SNCAIP: variants seen among roughly 807,000 people sequenced by gnomAD.
SNCAIP encodes synuclein alpha interacting protein.
SNCAIP carries 43 observed loss-of-function variants against 86.7 expected under a neutral mutation model. The ratio of observed to expected loss-of-function variants is 0.50; its 90% CI spans 0.39 to 0.64. The LOEUF (loss-of-function observed/expected upper bound fraction) is 0.64, where lower values mean the gene tolerates loss of function less well. Among genes scored for constraint, SNCAIP ranks in the 30% least tolerant of loss-of-function variants. The probability of loss-of-function intolerance (pLI) is 0.00; values close to 1 mark genes in which losing one functional copy is unlikely to be tolerated. For synonymous variants in SNCAIP, 417 were observed against 427.2 expected, an observed-to-expected ratio of 0.98 and a Z score of 0.29; for missense variants, 981 against 1,103.1, an observed-to-expected ratio of 0.89 and a Z score of 1.57.
rs371442735 is a variant in SNCAIP, at chr5:122,458,904, TTGCTTGG to T, written c.2755-4583_2755-4577del. Among the ~76,000 whole-genome samples, 814 of 152,294 alleles carry T rather than the reference TTGCTTGG, an allele frequency of 5.3e-3. 10 individuals carry two copies. The highest frequency in any genetic ancestry group is 0.019 in the African/African-American group (777 of 41,568). Reference sequence around the variant, plus strand: ...GTACTCCACGTGTACTCCCAGTGTCTTGCTTGGTGCCTGGTGCATGATAGAGACTTCA... The same window carrying T: ...GTACTCCACGTGTACTCCCAGTGTCTTGCCTGGTGCATGATAGAGACTTCA... On this transcript the variant is annotated intron_variant, in intron 10 of 10. Transcript: ENST00000261368.
At chr5:122,408,012 G>A (rs1412733939) in intron 3 of SNCAIP, among the ~76,000 whole-genome samples, 1 of 152,164 alleles carries the variant, frequency 6.6e-6, no homozygotes, top group African/African-American at 2.4e-5. Context: ...GTCCCTCCTG[G>A]CCAAGAGTGC....
chr5:122,313,307 G>A (rs1751024068), intron 1 of SNCAIP, among the ~76,000 whole-genome samples: 1 of 152,152 alleles, frequency 6.6e-6, no homozygotes, highest in African/African-American at 2.4e-5. Flanking sequence ...CCGGAGGACG[G>A]GAGAACTGCT....
rs147533379 is a variant in SNCAIP at position 122,451,303 on chromosome 5, A to T, written c.2456A>T (p.Glu819Val). The T allele has an allele frequency of 6.2e-7, 1 of 1,614,188 alleles. No homozygotes were observed. Among genetic ancestry groups the T allele is most frequent in the Non-Finnish European group, 8.5e-7 (1 of 1,180,032 alleles). Residue 819 changes from glutamate (E) to valine (V), a missense_variant, in exon 10 of 11, where the codon GAG becomes GTG. By Grantham distance (121) the Glu-to-Val change is moderately radical. Coordinates refer to ENST00000261368, the MANE Select transcript of SNCAIP (RefSeq NM_005460.4). ...AACTTAAAACTGAGAGTTACCTTTGAGGAGCCTGTGGTGCAGATGGAGCAG... is the reference window on the plus strand; with the variant it reads ...AACTTAAAACTGAGAGTTACCTTTGTGGAGCCTGTGGTGCAGATGGAGCAG... ...SQNLKLRVTF[E>V]EPVVQMEQPS... is the part of the protein sequence containing the mutation.
At chr5:122,386,266 G>A (rs1215302800) in intron 1 of SNCAIP, among the ~76,000 whole-genome samples, 4 of 152,120 alleles carry the variant, frequency 2.6e-5, no homozygotes, top group African/African-American at 7.2e-5. Context: ...GTGGCAAGGA[G>A]GCTATTTTTT....
intron 1 of SNCAIP, among the ~76,000 whole-genome samples, chr5:122,375,577 G>T (rs1023084971): frequency 2.6e-5 from 4 of 151,336 alleles, no homozygotes; most frequent in African/African-American, 7.3e-5. Flanking sequence ...TTCTAAAAAG[G>T]CTGCATTGAA....
chr5:122,330,145 G>A (rs1179735241), intron 1 of SNCAIP, among the ~76,000 whole-genome samples: 45 of 79,536 alleles, frequency 5.7e-4, no homozygotes, highest in African/African-American at 5.1e-4. Context: ...TTTTTGAGAC[G>A]GAGTCTCACT....
chr5:122,331,212 G>T (rs1755275072), intron 1 of SNCAIP, among the ~76,000 whole-genome samples: 1 of 152,132 alleles, frequency 6.6e-6, no homozygotes, highest in African/African-American at 2.4e-5. Context: ...CCCAGGGATT[G>T]GGGACCCCTG....
chr5:122,351,572 A>G (rs888524038), intron 1 of SNCAIP, among the ~76,000 whole-genome samples: 13 of 146,300 alleles, frequency 8.9e-5, no homozygotes, highest in Admixed American at 8.2e-4. Flanking sequence ...AAAAAGAACT[A>G]ATTAAAGACA....
intron 3 of SNCAIP, among the ~76,000 whole-genome samples, chr5:122,415,966 C>T (rs984379649): frequency 1.3e-5 from 2 of 152,120 alleles, no homozygotes; most frequent in East Asian, 1.9e-4. Flanking sequence ...CACAATAATG[C>T]GAAGACCACG....
intron 6 of SNCAIP, among the ~76,000 whole-genome samples, chr5:122,437,916 G>T (rs1267671930): frequency 3.9e-5 from 6 of 152,110 alleles, no homozygotes; most frequent in Admixed American, 2.6e-4. Flanking sequence ...CTTATGAGGG[G>T]CAGTATTCCA....
intron 1 of SNCAIP, among the ~76,000 whole-genome samples, chr5:122,362,946 T>C (rs1762470664): frequency 6.6e-6 from 1 of 151,702 alleles, no homozygotes; most frequent in Admixed American, 6.6e-5. Context: ...AAAGAACCTA[T>C]GCTTAAAACA....
At chr5:122,376,364 A>G (rs1400214093) in intron 1 of SNCAIP, among the ~76,000 whole-genome samples, 2 of 152,116 alleles carry the variant, frequency 1.3e-5, no homozygotes, top group Non-Finnish European at 2.9e-5. Context: ...AAGCATAACC[A>G]TTTCAGGTGT....
At chr5:122,402,099 A>C (rs1771940862) in intron 2 of SNCAIP, among the ~76,000 whole-genome samples, 1 of 152,154 alleles carries the variant, frequency 6.6e-6, no homozygotes. Flanking sequence ...AAGAAAAAAA[A>C]AAAGAGTGAG....
intron 7 of SNCAIP, 195 bp from the exon 8 acceptor site, chr5:122,444,368 T>C: frequency 1.6e-6 from 1 of 636,894 alleles, no homozygotes; most frequent in Admixed American, 2.2e-5. Context: ...CCTCCTTATG[T>C]GGGCTGCAGA....
chr5:122,457,606 T>C (rs989495332), intron 10 of SNCAIP, among the ~76,000 whole-genome samples: 3 of 152,006 alleles, frequency 2.0e-5, no homozygotes, highest in Non-Finnish European at 4.4e-5. Context: ...ACTCTTTCTC[T>C]CTCTCTCACT....
intron 7 of SNCAIP, among the ~76,000 whole-genome samples, chr5:122,443,136 A>G (rs762001195): frequency 1.1e-4 from 17 of 152,170 alleles, no homozygotes; most frequent in Non-Finnish European, 1.3e-4. Flanking sequence ...TGGTGAGTTG[A>G]CCTTTCATGG....
intron 8 of SNCAIP, among the ~76,000 whole-genome samples, chr5:122,447,111 A>T (rs1209223274): frequency 6.6e-6 from 1 of 152,230 alleles, no homozygotes; most frequent in Admixed American, 6.5e-5. Context: ...ATACCCGTAA[A>T]CATGAAGGCA....
At chr5:122,433,568 A>G (rs1778834893) in intron 6 of SNCAIP, among the ~76,000 whole-genome samples, 1 of 152,168 alleles carries the variant, frequency 6.6e-6, no homozygotes, top group Non-Finnish European at 1.5e-5. Flanking sequence ...AGAGATTTTT[A>G]ACTGTACCAA....
At chr5:122,368,162 T>G (rs1311769619) in intron 1 of SNCAIP, among the ~76,000 whole-genome samples, 4 of 152,150 alleles carry the variant, frequency 2.6e-5, no homozygotes, top group Non-Finnish European at 5.9e-5. Flanking sequence ...TCACTTTACT[T>G]CCTGGTTCCC....
Sources: gnomAD v4.1 joint callset for allele counts (sites outside exome capture counted in the v4.1 genomes callset) on GRCh38, gnomAD v4.1.1 for gene constraint, MANE v1.5 for transcripts, NCBI Gene and HGNC (gene_info 2026-07-23, HGNC 2026-07-21) for gene names.